IQGAP1: variants seen among roughly 807,000 people sequenced by gnomAD.
The protein encoded by IQGAP1 is IQ motif containing GTPase activating protein 1.
IQGAP1 carries 66 observed loss-of-function variants against 215.6 expected under a neutral mutation model. That is an observed-to-expected ratio of 0.31 (90% confidence interval 0.25 to 0.38). The LOEUF is 0.38. IQGAP1 is among the 10% of genes least tolerant of loss of function. The pLI, the probability that IQGAP1 is intolerant of heterozygous loss-of-function variation, is 1.00. For synonymous variants in IQGAP1, 772 were observed against 728.7 expected, an observed-to-expected ratio of 1.06 and a Z score of -0.96; for missense variants, 1,712 against 1,997.1, an observed-to-expected ratio of 0.86 and a Z score of 2.72.
chr15:90,487,652 A>G lies in IQGAP1; in HGVS notation c.4248+70A>G, dbSNP rs549666071. 2.9e-5 allele frequency: 30 copies of G among 1,035,926 alleles called. No individual in the cohort carries two copies. The South Asian group carries it at 3.7e-4, about 13-fold the overall frequency. The allele number at this position is 1,035,926 out of a possible 1,614,324, so 64.2% of individuals were successfully genotyped here. The stretch of plus-strand genomic sequence containing the variant: ...TCTCCCGATAGGCGCATGTCAGAGA[A>G]AGGAGGGGAGACACAAATAACAGTT... On this transcript the variant is annotated intron_variant, in intron 33 of 37. Coordinates refer to ENST00000268182, the MANE Select transcript of IQGAP1 (RefSeq NM_003870.4).
chr15:90,428,456 A>G (rs1596261895), intron 3 of IQGAP1, among the ~76,000 whole-genome samples: 1 of 152,042 alleles, frequency 6.6e-6, no homozygotes, highest in East Asian at 1.9e-4. Context: ...AGATAGTGTA[A>G]AAGGAGAGCG....
At chr15:90,401,439 A>C (rs1189282518) in intron 2 of IQGAP1, among the ~76,000 whole-genome samples, 1 of 152,172 alleles carries the variant, frequency 6.6e-6, no homozygotes, top group Non-Finnish European at 1.5e-5. Flanking sequence ...AGCCAAAATA[A>C]TCCCCCAAAA....
intron 36 of IQGAP1, 46 bp from the exon 37 acceptor site, chr15:90,497,186 T>C (rs750607563): frequency 8.2e-6 from 8 of 972,988 alleles, no homozygotes; most frequent in Non-Finnish European, 1.3e-5. Flanking sequence ...AATATTTTTA[T>C]ATGAGAATAT....
At chr15:90,494,922 G>A in intron 36 of IQGAP1, 87 bp downstream of exon 36, 1 of 930,198 alleles carries the variant, frequency 1.1e-6, no homozygotes, top group Non-Finnish European at 1.6e-6. Context: ...TCTCTTTTCT[G>A]GATGGTTACT....
chr15:90,452,483 T>C (rs1179506184), intron 11 of IQGAP1, among the ~76,000 whole-genome samples: 5 of 152,082 alleles, frequency 3.3e-5, no homozygotes, highest in African/African-American at 9.7e-5. Flanking sequence ...GTGGTTTAGA[T>C]GGGAAGTAGT....
intron 2 of IQGAP1, among the ~76,000 whole-genome samples, chr15:90,407,111 C>CAGA (rs1285098375): frequency 6.6e-6 from 1 of 152,128 alleles, no homozygotes; most frequent in African/African-American, 2.4e-5. Flanking sequence ...GCTGATAGAT[C>CAGA]AGAATCCTTT....
chr15:90,422,660 G>GTATATA (rs371022759), intron 2 of IQGAP1, among the ~76,000 whole-genome samples: 4 of 85,670 alleles, frequency 4.7e-5, no homozygotes, highest in Admixed American at 2.9e-4. Context: ...ATATATATAT[G>GTATATA]TATATATATA....
chr15:90,399,385 TATTTTCTTATGCAA>T (rs1222743653), intron 2 of IQGAP1, among the ~76,000 whole-genome samples: 1 of 152,206 alleles, frequency 6.6e-6, no homozygotes, highest in Non-Finnish European at 1.5e-5. Flanking sequence ...TTATCAGTAT[TATTTTCTTATGCAA>T]ATTTTCTGTT....
At chr15:90,417,742 C>T (rs549897597) in intron 2 of IQGAP1, among the ~76,000 whole-genome samples, 1 of 152,250 alleles carries the variant, frequency 6.6e-6, no homozygotes, top group Non-Finnish European at 1.5e-5. Flanking sequence ...TTTTCCAATT[C>T]TGTGAAGAAA....
intron 6 of IQGAP1, 69 bp from the exon 7 acceptor site, chr15:90,440,433 T>G: frequency 9.5e-7 from 1 of 1,052,786 alleles, no homozygotes; most frequent in Non-Finnish European, 1.4e-6. Flanking sequence ...AGTTGAGGAA[T>G]ATGTTTCCTT....
intron 6 of IQGAP1, among the ~76,000 whole-genome samples, chr15:90,440,288 T>C (rs1965429782): frequency 1.3e-5 from 2 of 152,264 alleles, no homozygotes; most frequent in Non-Finnish European, 2.9e-5. Flanking sequence ...TTTATAGTTA[T>C]TTTTGATGCC....
intron 15 of IQGAP1, among the ~76,000 whole-genome samples, chr15:90,461,376 G>A (rs1965759219): frequency 6.6e-6 from 1 of 152,186 alleles, no homozygotes. Flanking sequence ...TCATGGTGGA[G>A]AGGATTTTCA....
intron 2 of IQGAP1, chr15:90,393,703 A>G (rs1295859375): frequency 6.6e-6 from 1 of 152,000 alleles, no homozygotes; most frequent in African/African-American, 2.4e-5. Flanking sequence ...CAGGCATTTT[A>G]TTTTCAGCTA....
rs1966319868 is a variant in IQGAP1, at chr15:90,499,952, C to T, written c.4861-43C>T. 11 of 900,210 alleles carry T rather than the reference C, an allele frequency of 1.2e-5. No individual in the cohort carries two copies. In the African/African-American group the frequency reaches 1.4e-4, roughly 11 times the overall value. 55.8% of individuals were successfully genotyped at this position (900,210 alleles called of 1,614,324 possible). ...TTCCTTGTTCCACAGACTTGATTAA[C>T]TGTCAAAATGTTTTGTTTTGTTTTG... On this transcript the variant is annotated intron_variant, in intron 37 of 37. Transcript: ENST00000268182.
At chr15:90,413,601 G>T (rs1268061673) in intron 2 of IQGAP1, among the ~76,000 whole-genome samples, 4 of 152,206 alleles carry the variant, frequency 2.6e-5, no homozygotes, top group Admixed American at 2.6e-4. Flanking sequence ...GAGATGTATA[G>T]AAAGTCTAGT....
rs1266891748 is a variant in IQGAP1 at position 90,501,448 on chromosome 15, TTTTC to T, written c.*1348_*1351del. 6.6e-6 allele frequency: 1 copy of T among 152,150 alleles called. No individual in the cohort carries two copies. The highest frequency in any genetic ancestry group is 1.5e-5 in the Non-Finnish European group (1 of 68,030). The allele number at this position is 152,150 out of a possible 1,614,324, so 9.4% of individuals were successfully genotyped here. The stretch of plus-strand genomic sequence containing the variant: ...TTGAAATCATGCTGCTGAGCCTCTA[TTTTC>T]TTTCTTTGATGTTTTGATTCAGTAT... On this transcript the variant is annotated 3_prime_UTR_variant, in exon 38 of 38. Transcript: ENST00000268182.
intron 20 of IQGAP1, 43 bp from the exon 21 acceptor site, chr15:90,473,853 G>A: frequency 6.2e-7 from 1 of 1,611,176 alleles, no homozygotes; most frequent in Middle Eastern, 1.7e-4. Flanking sequence ...AACACGTGTT[G>A]AGATGAAGGA....
chr15:90,389,530 C>G (rs1964604689), intron 1 of IQGAP1, among the ~76,000 whole-genome samples: 1 of 152,014 alleles, frequency 6.6e-6, no homozygotes, highest in South Asian at 2.1e-4. Flanking sequence ...CAGGGTTTCA[C>G]TGTGTTGGTC....
chr15:90,389,120 G>T (rs1257222702), intron 1 of IQGAP1, among the ~76,000 whole-genome samples: 1 of 152,080 alleles, frequency 6.6e-6, no homozygotes, highest in African/African-American at 2.4e-5. Context: ...AACATTTCAC[G>T]CATCAACAGT....
Sources: gnomAD v4.1 joint callset for allele counts (sites outside exome capture counted in the v4.1 genomes callset) on GRCh38, gnomAD v4.1.1 for gene constraint, MANE v1.5 for transcripts, NCBI Gene and HGNC (gene_info 2026-07-23, HGNC 2026-07-21) for gene names.